The following DCLK1 variants were observed in gnomAD, a reference collection of about 807,000 sequenced individuals.
DCLK1 encodes the protein doublecortin like kinase 1.
Under a neutral mutation model 86.2 loss-of-function variants are expected in DCLK1, and 16 were observed. That is an observed-to-expected ratio of 0.19 (90% CI 0.13 to 0.28). The LOEUF (loss-of-function observed/expected upper bound fraction) is 0.28. DCLK1 is among the 10% of genes least tolerant of loss of function. The probability of loss-of-function intolerance (pLI) is 1.00; values close to 1 mark genes in which losing one functional copy is unlikely to be tolerated. For synonymous variants in DCLK1, 369 were observed against 370.5 expected, an observed-to-expected ratio of 1.00 and a Z score of 0.05; for missense variants, 590 against 940.2, an observed-to-expected ratio of 0.63 and a Z score of 4.87.
At chr13:35,874,667 T>C (rs957958430) in intron 4 of DCLK1, among the ~76,000 whole-genome samples, 2 of 152,124 alleles carry the variant, frequency 1.3e-5, no homozygotes, top group Non-Finnish European at 2.9e-5. Context: ...AATTAAAAGA[T>C]AGGAGTAACC....
In DCLK1 at chr13:35,984,479, C is replaced by T. The variant is rs112288129; in HGVS notation, c.724-37022G>A. 8.0e-3 allele frequency among the ~76,000 whole-genome samples: 1,215 copies of T among 152,298 alleles called. 25 individuals carry two copies. Among genetic ancestry groups the T allele is most frequent in the East Asian group, 0.062 (319 of 5,160 alleles). On this transcript the variant is annotated intron_variant, in intron 3 of 16. Coordinates refer to ENST00000360631, the MANE Select transcript of DCLK1 (RefSeq NM_001330071.2). ...AGTGGGTGAGGGAGCAATTCATCTC[C>T]TCTCCAGGATGGGGCTGTTGAGCTG...
intron 3 of DCLK1, among the ~76,000 whole-genome samples, chr13:36,050,573 C>T (rs1214536038): frequency 6.6e-6 from 1 of 152,156 alleles, no homozygotes; most frequent in African/African-American, 2.4e-5. Flanking sequence ...GCCATAAAAT[C>T]TACCCATTCA....
At chr13:35,846,122 A>T (rs1870155166) in intron 6 of DCLK1, 2 of 985,168 alleles carry the variant, frequency 2.0e-6, no homozygotes, top group Non-Finnish European at 2.4e-6. Flanking sequence ...TGATGGATTT[A>T]AAAAATATAT....
At chr13:36,121,189 C>A (rs976713339) in intron 2 of DCLK1, among the ~76,000 whole-genome samples, 1 of 152,124 alleles carries the variant, frequency 6.6e-6, no homozygotes, top group African/African-American at 2.4e-5. Flanking sequence ...AGTAAAAGAA[C>A]ACAGTAGTTT....
intron 4 of DCLK1, among the ~76,000 whole-genome samples, chr13:35,900,101 G>A (rs1207299930): frequency 6.6e-6 from 1 of 152,130 alleles, no homozygotes; most frequent in African/African-American, 2.4e-5. Context: ...AAATGAGAAA[G>A]AAGGAATTAT....
intron 3 of DCLK1, among the ~76,000 whole-genome samples, chr13:36,011,213 T>C (rs1881249656): frequency 1.7e-5 from 1 of 59,460 alleles, no homozygotes; most frequent in African/African-American, 6.2e-5. Flanking sequence ...GGGTTTTTTG[T>C]GTCTCTATTT....
intron 2 of DCLK1, among the ~76,000 whole-genome samples, chr13:36,117,726 G>C (rs1408847372): frequency 2.0e-5 from 3 of 152,142 alleles, no homozygotes; most frequent in Non-Finnish European, 4.4e-5. Context: ...CTGAGTCATA[G>C]GTGCAAGACC....
intron 4 of DCLK1, among the ~76,000 whole-genome samples, chr13:35,873,483 C>T (rs1009427020): frequency 2.0e-5 from 3 of 151,734 alleles, no homozygotes; most frequent in Non-Finnish European, 4.4e-5. Context: ...CTCCCGAGTT[C>T]AAGAGATTCT....
intron 3 of DCLK1, among the ~76,000 whole-genome samples, chr13:36,089,060 T>C (rs1180067006): frequency 1.3e-5 from 2 of 152,248 alleles, no homozygotes; most frequent in Non-Finnish European, 2.9e-5. Context: ...CTTATCATCA[T>C]TGGTGCAATT....
chr13:35,928,712 T>TA (rs1265133130), intron 4 of DCLK1, among the ~76,000 whole-genome samples: 8 of 152,230 alleles, frequency 5.3e-5, no homozygotes, highest in African/African-American at 1.9e-4. Context: ...CCATTGTAGA[T>TA]ATTCACTCAC....
At chr13:35,971,433 G>A (rs1295528252) in intron 3 of DCLK1, among the ~76,000 whole-genome samples, 1 of 152,148 alleles carries the variant, frequency 6.6e-6, no homozygotes, top group Non-Finnish European at 1.5e-5. Flanking sequence ...GAAATGATGA[G>A]ATACAAGAAG....
chr13:35,976,423 G>A (rs1393703968), intron 3 of DCLK1, among the ~76,000 whole-genome samples: 2 of 151,532 alleles, frequency 1.3e-5, no homozygotes, highest in African/African-American at 4.8e-5. Flanking sequence ...GGGCAGGGAT[G>A]TTGGTGAACC....
At chr13:36,000,868 G>A (rs1358560145) in intron 3 of DCLK1, among the ~76,000 whole-genome samples, 1 of 151,938 alleles carries the variant, frequency 6.6e-6, no homozygotes, top group Non-Finnish European at 1.5e-5. Flanking sequence ...ATGAGTAAAT[G>A]TGAATTGTTT....
chr13:36,087,482 G>A (rs1377298303), intron 3 of DCLK1, among the ~76,000 whole-genome samples: 3 of 152,132 alleles, frequency 2.0e-5, no homozygotes, highest in South Asian at 2.1e-4. Flanking sequence ...TTAGGTATTC[G>A]TTTGGTAATC....
chr13:35,854,829 C>T (rs1870932215), intron 5 of DCLK1, among the ~76,000 whole-genome samples: 2 of 152,124 alleles, frequency 1.3e-5, no homozygotes, highest in African/African-American at 2.4e-5. Context: ...TTAAGATGTA[C>T]CTTTCACAAC....
chr13:35,805,298 CTTT>C (rs1280811247), intron 15 of DCLK1: 1 of 170,466 alleles, frequency 5.9e-6, no homozygotes, highest in Admixed American at 6.0e-5. Flanking sequence ...GAACACAACA[CTTT>C]TTTCTTTTTT....
intron 4 of DCLK1, among the ~76,000 whole-genome samples, chr13:35,939,362 T>C (rs993500771): frequency 3.9e-5 from 6 of 152,212 alleles, no homozygotes; most frequent in African/African-American, 1.4e-4. Context: ...CACAAAAACT[T>C]AGAATTATTC....
intron 4 of DCLK1, among the ~76,000 whole-genome samples, chr13:35,898,671 G>A (rs1017061923): frequency 6.6e-6 from 1 of 152,122 alleles, no homozygotes; most frequent in African/African-American, 2.4e-5. Context: ...GTGTGACCAT[G>A]GCTGCCATTT....
chr13:36,017,762 T>A (rs542466566), intron 3 of DCLK1, among the ~76,000 whole-genome samples: 23 of 152,266 alleles, frequency 1.5e-4, no homozygotes, highest in African/African-American at 5.5e-4. Context: ...CTGTTTGCCA[T>A]ACAAAAAGCA....
Sources: gnomAD v4.1 joint callset for allele counts (sites outside exome capture counted in the v4.1 genomes callset) on GRCh38, gnomAD v4.1.1 for gene constraint, MANE v1.5 for transcripts, NCBI Gene and HGNC (gene_info 2026-07-23, HGNC 2026-07-21) for gene names.